Variants in JAKMIP1 observed in about 807,000 individuals in gnomAD.
The protein encoded by JAKMIP1 is janus kinase and microtubule-interacting protein 1.
In JAKMIP1, 33 loss-of-function variants were observed where a neutral mutation model predicts 113.0. The observed-to-expected ratio is 0.29, with a 90% CI of 0.22 to 0.39. JAKMIP1 has a LOEUF of 0.39. Among genes scored for constraint, JAKMIP1 ranks in the 10% least tolerant of loss-of-function variants. The pLI, the probability that JAKMIP1 is intolerant of heterozygous loss-of-function variation, is 1.00. For synonymous variants in JAKMIP1, 480 were observed against 459.9 expected (o/e 1.04, Z -0.56); for missense variants, 813 against 1,080.5 (o/e 0.75, Z 3.47).
At chr4:6,111,096 C>G (rs1270497103) in intron 2 of JAKMIP1, among the ~76,000 whole-genome samples, 1 of 151,938 alleles carries the variant, frequency 6.6e-6, no homozygotes, top group Non-Finnish European at 1.5e-5. Context: ...TCAGCCTCTG[C>G]TCTGTGTGGC....
chr4:6,043,092 C>A (rs972129998), intron 16 of JAKMIP1, among the ~76,000 whole-genome samples: 2 of 152,016 alleles, frequency 1.3e-5, no homozygotes, highest in African/African-American at 4.8e-5. Context: ...GTGGGGAGAT[C>A]AGGGCACCTA....
chr4:6,064,834 G>C lies in JAKMIP1; in HGVS notation c.1431+46C>G, dbSNP rs747396752. 6.2e-7 allele frequency: 1 copy of C among 1,610,924 alleles called. No individual in the cohort carries two copies. The highest frequency in any genetic ancestry group is 8.5e-7 in the Non-Finnish European group (1 of 1,178,308). On this transcript the variant is annotated intron_variant, in intron 9 of 20. Transcript: ENST00000409021. This position sits in a 1 kb window ranked among gnomAD's most constrained non-coding sequence, Gnocchi z 4.3. ...TATCAAAAGCAGGAGGTGCCGCCCC[G>C]AGAGCATCTGGGGTGAGGTCCCGCC...
Position 6,188,082 on chromosome 4 carries a change from A to AT in JAKMIP1, c.-148+12170dup, listed in dbSNP as rs200890950. Among the ~76,000 whole-genome samples, 2,576 of 151,470 alleles carry AT rather than the reference A, an allele frequency of 0.017. 23 individuals are homozygous for AT. Among genetic ancestry groups the AT allele is most frequent in the Middle Eastern group, 0.061 (18 of 294 alleles). ...TAAATGGCTAATTTTCAAATCTGTC[A>AT]TTTTTTTTTCTTTTTGGTTCCAGTA... On this transcript the variant is annotated intron_variant, in intron 1 of 20. Transcript: ENST00000409021. This position sits in a 1 kb window ranked among gnomAD's most constrained non-coding sequence, Gnocchi z 5.8.
intron 9 of JAKMIP1, among the ~76,000 whole-genome samples, chr4:6,063,405 A>G (rs1717592420): frequency 2.0e-5 from 3 of 152,230 alleles, no homozygotes; most frequent in African/African-American, 7.2e-5. Flanking sequence ...TAAAAGGCCC[A>G]TGGCTGAGAA....
In JAKMIP1 at chr4:6,116,804, T is replaced by C. The variant is rs1036492314; in HGVS notation, c.-147-3807A>G. On this transcript the variant is annotated intron_variant, in intron 1 of 20. Coordinates refer to ENST00000409021, the MANE Select transcript of JAKMIP1 (RefSeq NM_001099433.2). This position sits in a 1 kb window ranked among gnomAD's most constrained non-coding sequence, Gnocchi z 5.1. The stretch of plus-strand genomic sequence containing the variant: ...CTATGGAAATGAATACATAAAACAA[T>C]GATGGCTTGTGGTAGGTGCTGGAAA... Among the ~76,000 whole-genome samples the C allele has an allele frequency of 2.6e-5, 4 of 152,140 alleles. No individual in the cohort carries two copies. Among genetic ancestry groups the C allele is most frequent in the African/African-American group, 9.7e-5 (4 of 41,430 alleles).
At chr4:6,114,172 G>C (rs549028800) in intron 1 of JAKMIP1, among the ~76,000 whole-genome samples, 1 of 152,200 alleles carries the variant, frequency 6.6e-6, no homozygotes, top group Non-Finnish European at 1.5e-5. Context: ...AATGCAGAGC[G>C]AGGAGGGAAC....
intron 1 of JAKMIP1, among the ~76,000 whole-genome samples, chr4:6,127,567 A>G (rs768810853): frequency 1.3e-5 from 2 of 152,180 alleles, no homozygotes; most frequent in Non-Finnish European, 2.9e-5. Flanking sequence ...AAACAGGGCA[A>G]CAGCTGTGAC....
intron 19 of JAKMIP1, among the ~76,000 whole-genome samples, chr4:6,032,792 C>T (rs774934241): frequency 6.6e-6 from 1 of 152,160 alleles, no homozygotes; most frequent in African/African-American, 2.4e-5. Flanking sequence ...TAGAGGGCTT[C>T]GAAGGTCAGA....
At chr4:6,047,453 G>C (rs137911523) in intron 16 of JAKMIP1, among the ~76,000 whole-genome samples, 1 of 152,178 alleles carries the variant, frequency 6.6e-6, no homozygotes, top group African/African-American at 2.4e-5. Context: ...GCCCCGCCCC[G>C]TGCCTGCACC....
chr4:6,062,482 T>C (rs1195831457), intron 9 of JAKMIP1, 42 bp from the exon 10 acceptor site: 2 of 1,575,078 alleles, frequency 1.3e-6, no homozygotes, highest in African/African-American at 1.4e-5. Context: ...AAGTGCAAAA[T>C]TACAATAATA....
chr4:6,196,311 C>T (rs1024394238), intron 1 of JAKMIP1, among the ~76,000 whole-genome samples: 1 of 152,220 alleles, frequency 6.6e-6, no homozygotes, highest in Non-Finnish European at 1.5e-5. Context: ...TAACCCAGCC[C>T]TTCACAGCAT....
In JAKMIP1 at chr4:6,142,934, C is replaced by CTG. The variant is rs141088943; in HGVS notation, c.-147-29939_-147-29938dup. ...AGTCCTGAGGCCCCTCAGTCCAGCACTGTGTGTGTGTGTGTTTGTGGCCTC... is the reference window on the plus strand; with the variant it reads ...AGTCCTGAGGCCCCTCAGTCCAGCACTGTGTGTGTGTGTGTGTTTGTGGCCTC... On this transcript the variant is annotated intron_variant, in intron 1 of 20. Transcript: ENST00000409021. This position sits in a 1 kb window ranked among gnomAD's most constrained non-coding sequence, Gnocchi z 5.5. 5.0e-4 allele frequency among the ~76,000 whole-genome samples: 76 copies of CTG among 151,908 alleles called. No homozygotes were observed. The highest frequency in any genetic ancestry group is 1.5e-3 in the African/African-American group (61 of 41,446).
At position 6,184,289 on chromosome 4, in the gene JAKMIP1, C is replaced by T. The variant is rs1048013142; in HGVS notation, c.-148+15964G>A. ...GCACATAGCAGACACTCCACAAATG[C>T]CCTAGGGAAGGAAGAACCGCTCCCA... On this transcript the variant is annotated intron_variant, in intron 1 of 20. Coordinates refer to ENST00000409021, the MANE Select transcript of JAKMIP1 (RefSeq NM_001099433.2). This position sits in a 1 kb window ranked among gnomAD's most constrained non-coding sequence, Gnocchi z 4.5. Among the ~76,000 whole-genome samples the T allele has an allele frequency of 6.6e-6, 1 of 152,158 alleles. No individual in the cohort carries two copies. Among genetic ancestry groups the T allele is most frequent in the Admixed American group, 6.5e-5 (1 of 15,276 alleles).
intron 13 of JAKMIP1, among the ~76,000 whole-genome samples, chr4:6,053,181 A>T (rs1462335955): frequency 6.6e-6 from 1 of 152,258 alleles, no homozygotes; most frequent in African/African-American, 2.4e-5. Context: ...AAAAAGGATT[A>T]TGAAGTACCA....
intron 20 of JAKMIP1, among the ~76,000 whole-genome samples, chr4:6,028,272 G>C (rs2108739849): frequency 6.6e-6 from 1 of 152,344 alleles, no homozygotes; most frequent in South Asian, 2.1e-4. Context: ...TGGTAGGCGT[G>C]GGCATCTGGC....
At chr4:6,053,536 G>C (rs2108770961) in intron 13 of JAKMIP1, among the ~76,000 whole-genome samples, 1 of 152,192 alleles carries the variant, frequency 6.6e-6, no homozygotes, top group African/African-American at 2.4e-5. Context: ...ATAGAAAATG[G>C]GCCCAAACTG....
rs754451543 is a variant in JAKMIP1 at position 6,156,619 on chromosome 4, G to A, written c.-147-43622C>T. Among the ~76,000 whole-genome samples the A allele has an allele frequency of 1.9e-4, 29 of 152,216 alleles. No individual in the cohort carries two copies. Among genetic ancestry groups the A allele is most frequent in the Non-Finnish European group, 4.1e-4 (28 of 68,038 alleles). On this transcript the variant is annotated intron_variant, in intron 1 of 20. Coordinates refer to ENST00000409021, the MANE Select transcript of JAKMIP1 (RefSeq NM_001099433.2). The surrounding 1 kb of genome is among the most constrained non-coding windows in gnomAD (Gnocchi z 5.0). ...CTGAGATGCAACTCAAAGATCTGATGCATGTGGAAGGCTTTCATCTGTCTT... is the reference window on the plus strand; with the variant it reads ...CTGAGATGCAACTCAAAGATCTGATACATGTGGAAGGCTTTCATCTGTCTT...
At chr4:6,085,078 A>G (rs1312776050) in intron 4 of JAKMIP1, 113 bp from the exon 5 acceptor site, 14 of 1,288,112 alleles carry the variant, frequency 1.1e-5, no homozygotes, top group Non-Finnish European at 1.5e-5. Context: ...ATCCTTATTC[A>G]GGGGCCCACA....
chr4:6,144,544 T>C (rs1720582962), intron 1 of JAKMIP1, among the ~76,000 whole-genome samples: 1 of 152,228 alleles, frequency 6.6e-6, no homozygotes, highest in Non-Finnish European at 1.5e-5. Flanking sequence ...GCAAGTGAGA[T>C]ATATCCCAGG....
Sources: gnomAD v4.1 joint callset for allele counts (sites outside exome capture counted in the v4.1 genomes callset) on GRCh38, gnomAD v4.1.1 for gene constraint, Gnocchi (gnomAD v3.1) non-coding constraint, MANE v1.5 for transcripts, NCBI Gene and HGNC (gene_info 2026-07-23, HGNC 2026-07-21) for gene names.